ZFHX3: variants seen among roughly 807,000 people sequenced by gnomAD.
ZFHX3 encodes zinc finger homeobox protein 3.
ZFHX3 carries 42 observed loss-of-function variants against 279.1 expected under a neutral mutation model. That is an observed-to-expected ratio of 0.15 (90% CI 0.12 to 0.19). The LOEUF (loss-of-function observed/expected upper bound fraction) is 0.19, where lower values mean the gene tolerates loss of function less well. Among genes scored for constraint, ZFHX3 ranks in the 10% least tolerant of loss-of-function variants. The pLI is 1.00. For synonymous variants in ZFHX3, 2,293 were observed against 1,957.8 expected, an observed-to-expected ratio of 1.17 and a Z score of -4.52; for missense variants, 4,981 against 4,754.0, an observed-to-expected ratio of 1.05 and a Z score of -1.40.
Position 72,986,686 on chromosome 16 carries a change from C to T in ZFHX3, c.-49-26492G>A, listed in dbSNP as rs966833910. Among the ~76,000 whole-genome samples the T allele has an allele frequency of 2.0e-5, 3 of 152,312 alleles. No homozygotes were observed. In the East Asian group the frequency reaches 5.8e-4, roughly 29 times the overall value. ...CTCATGTTCAAGAGGAACTGCAATG[C>T]AGACATATTTTTCAATATAAGTAGG... On this transcript the variant is annotated intron_variant, in intron 1 of 9. Coordinates refer to ENST00000268489, the MANE Select transcript of ZFHX3 (RefSeq NM_006885.4).
chr16:73,600,938 C>T (rs1176293646), intron 2 of ZFHX3, among the ~76,000 whole-genome samples: 2 of 151,966 alleles, frequency 1.3e-5, no homozygotes, highest in African/African-American at 4.8e-5. Context: ...TAGCATAACG[C>T]CCTGCCCAAA....
At chr16:72,909,855 G>C (rs2039274205) in intron 3 of ZFHX3, among the ~76,000 whole-genome samples, 1 of 127,298 alleles carries the variant, frequency 7.9e-6, no homozygotes, top group Non-Finnish European at 1.6e-5. Context: ...TCTACCCTGG[G>C]TGACAAAGTG....
intron 1 of ZFHX3, among the ~76,000 whole-genome samples, chr16:73,705,483 A>C (rs1162215117): frequency 6.6e-6 from 1 of 152,208 alleles, no homozygotes; most frequent in Non-Finnish European, 1.5e-5. Context: ...GAAATGGATA[A>C]GCCCCAACAG....
intron 7 of ZFHX3, among the ~76,000 whole-genome samples, chr16:73,106,630 G>C (rs771734473): frequency 3.9e-5 from 6 of 152,186 alleles, no homozygotes; most frequent in Non-Finnish European, 7.3e-5. Context: ...TAACTAGAGA[G>C]GCTGTTGTAA....
At chr16:72,986,042 AC>A (rs1343321096) in intron 1 of ZFHX3, among the ~76,000 whole-genome samples, 1 of 147,684 alleles carries the variant, frequency 6.8e-6, no homozygotes, top group Non-Finnish European at 1.5e-5. Flanking sequence ...ATTTTTAACC[AC>A]CCCCCACCCC....
At chr16:73,357,902 C>T (rs778148006) in intron 3 of ZFHX3, among the ~76,000 whole-genome samples, 2 of 152,196 alleles carry the variant, frequency 1.3e-5, no homozygotes, top group Non-Finnish European at 1.5e-5. Flanking sequence ...TCAGGGACTT[C>T]GCACTGCTCT....
intron 2 of ZFHX3, among the ~76,000 whole-genome samples, chr16:73,474,418 G>C (rs939128810): frequency 1.3e-5 from 2 of 152,090 alleles, no homozygotes; most frequent in African/African-American, 2.4e-5. Context: ...CAAAGTGCTG[G>C]GATTACAGGC....
intron 3 of ZFHX3, among the ~76,000 whole-genome samples, chr16:73,428,401 C>A (rs2017849111): frequency 6.6e-6 from 1 of 152,118 alleles, no homozygotes; most frequent in South Asian, 2.1e-4. Flanking sequence ...ATGCACGAGC[C>A]AGGAAGGGGC....
At chr16:73,020,988 T>C (rs1305968545) in intron 1 of ZFHX3, among the ~76,000 whole-genome samples, 2 of 152,162 alleles carry the variant, frequency 1.3e-5, no homozygotes, top group Non-Finnish European at 1.5e-5. Flanking sequence ...CCACTCTGCA[T>C]ACCGTATAGA....
intron 1 of ZFHX3, among the ~76,000 whole-genome samples, chr16:73,025,269 C>G (rs374495833): frequency 6.6e-6 from 1 of 152,166 alleles, no homozygotes; most frequent in African/African-American, 2.4e-5. Flanking sequence ...CCCAATGCGG[C>G]GGCAGCCACC....
In ZFHX3 at chr16:72,899,703, C is replaced by T. The variant is rs1597359573; in HGVS notation, c.3217-9741G>A. Among the ~76,000 whole-genome samples, 3 of 152,264 alleles carry T rather than the reference C, an allele frequency of 2.0e-5. No homozygotes were observed. The South Asian group carries it at 6.2e-4, about 32-fold the overall frequency. On this transcript the variant is annotated intron_variant, in intron 3 of 9. Coordinates refer to ENST00000268489, the MANE Select transcript of ZFHX3 (RefSeq NM_006885.4). ...TGTGCCACGTAGGGCAAGTCACATA[C>T]ACTGTTGGGTCTCGGTTTCCTTGTG...
chr16:73,272,997 T>C (rs1040868606), intron 4 of ZFHX3, among the ~76,000 whole-genome samples: 1 of 152,096 alleles, frequency 6.6e-6, no homozygotes, highest in Non-Finnish European at 1.5e-5. Context: ...TCCTCCAGCC[T>C]CAGTCTCTCA....
chr16:73,032,589 G>A (rs929729972), intron 1 of ZFHX3, among the ~76,000 whole-genome samples: 10 of 152,216 alleles, frequency 6.6e-5, no homozygotes, highest in East Asian at 1.9e-4. Flanking sequence ...TCCCCAGAGC[G>A]GGCAGCTTTC....
chr16:73,438,053 CA>C (rs2018025670), intron 3 of ZFHX3, among the ~76,000 whole-genome samples: 1 of 151,832 alleles, frequency 6.6e-6, no homozygotes, highest in South Asian at 2.1e-4. Flanking sequence ...ATTTGAAAGT[CA>C]AGTGGTTCTG....
At chr16:73,021,750 G>A (rs917655865) in intron 1 of ZFHX3, among the ~76,000 whole-genome samples, 3 of 146,228 alleles carry the variant, frequency 2.1e-5, no homozygotes, top group African/African-American at 5.1e-5. Flanking sequence ...AGAATCACTT[G>A]AACCTGGGAG....
intron 2 of ZFHX3, among the ~76,000 whole-genome samples, chr16:73,480,127 G>A (rs989022966): frequency 6.6e-6 from 1 of 150,476 alleles, no homozygotes; most frequent in East Asian, 1.9e-4. Flanking sequence ...CCCTTCTCCA[G>A]ATTAAATCGT....
At chr16:73,837,925 C>G (rs1015041314) in intron 1 of ZFHX3, among the ~76,000 whole-genome samples, 2 of 152,164 alleles carry the variant, frequency 1.3e-5, no homozygotes, top group Non-Finnish European at 2.9e-5. Context: ...TTTGAGCCAC[C>G]GCACCCAGCC....
chr16:73,253,628 TG>T lies in ZFHX3; in HGVS notation c.-1104+3418del, dbSNP rs529171260. ...CACCACGCCCGGCTAATTTTTTTTTTGTATTTTTAGTAGAGAAGGGGTTTCA... is the reference window on the plus strand; with the variant it reads ...CACCACGCCCGGCTAATTTTTTTTTTTATTTTTAGTAGAGAAGGGGTTTCA... On this transcript the variant is annotated intron_variant, in intron 5 of 17. Coordinates refer to the ZFHX3 transcript ENST00000641206. Among the ~76,000 whole-genome samples the T allele has an allele frequency of 1.6e-3, 236 of 145,708 alleles. 4 individuals are homozygous for T. The South Asian group carries it at 0.027, about 17-fold the overall frequency.
At chr16:73,146,570 G>T (rs530531215) in intron 5 of ZFHX3, among the ~76,000 whole-genome samples, 1 of 152,286 alleles carries the variant, frequency 6.6e-6, no homozygotes, top group Non-Finnish European at 1.5e-5. Flanking sequence ...AAATTGCAAG[G>T]TTATTCTCCT....
Sources: gnomAD v4.1 joint callset for allele counts (sites outside exome capture counted in the v4.1 genomes callset) on GRCh38, gnomAD v4.1.1 for gene constraint, MANE v1.5 for transcripts, NCBI Gene and HGNC (gene_info 2026-07-23, HGNC 2026-07-21) for gene names.